EPN2: variants seen among roughly 807,000 people sequenced by gnomAD.
The protein encoded by EPN2 is epsin-2.
A neutral mutation model predicts 61.7 loss-of-function variants in EPN2; 34 were observed. The ratio of observed to expected loss-of-function variants is 0.55; its 90% CI spans 0.42 to 0.73. EPN2 has a LOEUF of 0.73. Among genes scored for constraint, EPN2 ranks in the 30% least tolerant of loss-of-function variants. The pLI is 0.00. For missense variants in EPN2, 714 were observed against 839.2 expected, an observed-to-expected ratio of 0.85 and a Z score of 1.84; for synonymous variants, 349 against 353.6, an observed-to-expected ratio of 0.99 and a Z score of 0.15.
chr17:19,335,867 T>A lies in EPN2; in HGVS notation c.*1613T>A, dbSNP rs1907399879. ...GCATTAAAGACCAGAAAAGACTTGC[T>A]TTTACCCAGGGAGGGGACATTCCCC... On this transcript the variant is annotated 3_prime_UTR_variant, in exon 11 of 11. Transcript: ENST00000314728. 6.4e-6 allele frequency: 1 copy of A among 156,832 alleles called. No homozygotes were observed. Among genetic ancestry groups the A allele is most frequent in the African/African-American group, 2.4e-5 (1 of 41,692 alleles). The allele number at this position is 156,832 out of a possible 1,614,324, so 9.7% of individuals were successfully genotyped here.
Position 19,285,748 on chromosome 17 carries a change from G to C in EPN2, c.724G>C (p.Asp242His), listed in dbSNP as rs766973140. ...GGGGCTGGCCTCCCGCCCAAATGGCGACTGGTCCCAGCCCTGCCTCACTTG... is the reference window on the plus strand; with the variant it reads ...GGGGCTGGCCTCCCGCCCAAATGGCCACTGGTCCCAGCCCTGCCTCACTTG... ...HLGLASRPNG[D>H]WSQPCLTCDR... is the part of the protein sequence containing the mutation. The change falls in exon 4 of 11, where the codon GAC becomes CAC. Residue 242 changes from aspartate to histidine, a missense_variant. Physicochemically the swap from Asp to His is moderately conservative, Grantham distance 81. Transcript: ENST00000314728. This position sits in a 1 kb window ranked among gnomAD's most constrained non-coding sequence, Gnocchi z 4.5. 1 of 1,608,938 alleles carries C rather than the reference G, an allele frequency of 6.2e-7. No individual in the cohort carries two copies. The highest frequency in any genetic ancestry group is 8.5e-7 in the Non-Finnish European group (1 of 1,178,650).
At position 19,285,845 on chromosome 17, in the gene EPN2, G is replaced by A; in HGVS notation, c.766+55G>A. 1 of 1,480,114 alleles carries A rather than the reference G, an allele frequency of 6.8e-7. No individual in the cohort carries two copies. The highest frequency in any genetic ancestry group is 9.0e-7 in the Non-Finnish European group (1 of 1,105,850). 91.7% of individuals were successfully genotyped at this position (1,480,114 alleles called of 1,614,324 possible). A position where few individuals can be genotyped will look rare whatever the true frequency, so the allele number is the denominator to read the frequency against. ...TAGAAATGCTGGGCAGCTTGCTGGG[G>A]GTGTGCTTGCCATGCCAGTACAGCC... On this transcript the variant is annotated intron_variant, in intron 4 of 10. Transcript: ENST00000314728. The surrounding 1 kb of genome is among the most constrained non-coding windows in gnomAD (Gnocchi z 4.5).
intron 1 of EPN2, among the ~76,000 whole-genome samples, chr17:19,265,031 A>C (rs2045181697): frequency 6.6e-6 from 1 of 152,044 alleles, no homozygotes; most frequent in African/African-American, 2.4e-5. Flanking sequence ...GCTGGGGATG[A>C]TAGGTTCGGT....
At chr17:19,312,014 TG>T in intron 5 of EPN2, 37 bp from the exon 6 acceptor site, 1 of 1,332,210 alleles carries the variant, frequency 7.5e-7, no homozygotes, top group Non-Finnish European at 1.1e-6. Context: ...TGTACAGTGA[TG>T]TTATTACAAT....
At chr17:19,297,711 T>TG (rs1356825384) in intron 4 of EPN2, among the ~76,000 whole-genome samples, 1 of 152,114 alleles carries the variant, frequency 6.6e-6, no homozygotes, top group Non-Finnish European at 1.5e-5. Flanking sequence ...GGCAAGCCAC[T>TG]GGGGGGCCTA....
rs574719470 is a variant in EPN2, at chr17:19,309,788, T to A, written c.767-97T>A. The A allele has an allele frequency of 4.7e-5, 42 of 895,424 alleles. No individual in the cohort carries two copies. In the African/African-American group the frequency reaches 6.5e-4, roughly 14 times the overall value. The allele number at this position is 895,424 out of a possible 1,614,324, so 55.5% of individuals were successfully genotyped here. ...GGGCTACTGCTGGACCTTGCGGGTT[T>A]GAGATGGGAATGGAATGTGGTCTGC... is the stretch of plus-strand genomic sequence containing the variant. On this transcript the variant is annotated intron_variant, in intron 4 of 10. Coordinates refer to ENST00000314728, the MANE Select transcript of EPN2 (RefSeq NM_014964.5).
chr17:19,256,094 C>A (rs1008571026), intron 1 of EPN2, among the ~76,000 whole-genome samples: 1 of 151,914 alleles, frequency 6.6e-6, no homozygotes, highest in African/African-American at 2.4e-5. Context: ...CCCGCCACCA[C>A]GCCCGGCTAA....
intron 7 of EPN2, among the ~76,000 whole-genome samples, chr17:19,319,485 T>C (rs1567867059): frequency 1.3e-5 from 2 of 149,930 alleles, no homozygotes; most frequent in South Asian, 4.3e-4. Flanking sequence ...CGAGTGCCAC[T>C]ACGCCCAGCT....
At chr17:19,308,502 G>A (rs1905962929) in intron 4 of EPN2, 4 of 985,460 alleles carry the variant, frequency 4.1e-6, no homozygotes, top group Non-Finnish European at 4.8e-6. Flanking sequence ...TTGTCAGCCA[G>A]GGGTGAGTGC....
At chr17:19,252,781 C>T (rs1386049245) in intron 1 of EPN2, among the ~76,000 whole-genome samples, 1 of 152,228 alleles carries the variant, frequency 6.6e-6, no homozygotes, top group Non-Finnish European at 1.5e-5. Flanking sequence ...CCTCCGCCTC[C>T]TGGGCTCAAG....
intron 4 of EPN2, chr17:19,307,786 A>G: frequency 2.4e-6 from 1 of 421,868 alleles, no homozygotes; most frequent in Non-Finnish European, 3.2e-6. Flanking sequence ...GCCCAGAAGC[A>G]GCCTCTTTCT....
intron 1 of EPN2, among the ~76,000 whole-genome samples, chr17:19,265,596 A>T (rs1039056834): frequency 6.6e-6 from 1 of 152,048 alleles, no homozygotes; most frequent in Non-Finnish European, 1.5e-5. Context: ...GACTTGGCCG[A>T]TGTCTACTTG....
chr17:19,330,884 C>T (rs895633950), intron 9 of EPN2, among the ~76,000 whole-genome samples: 1 of 152,172 alleles, frequency 6.6e-6, no homozygotes, highest in South Asian at 2.1e-4. Flanking sequence ...TGCCTGTGGT[C>T]CCAGCTAGTC....
At chr17:19,306,403 G>A (rs1411904447) in intron 4 of EPN2, 1 of 152,258 alleles carries the variant, frequency 6.6e-6, no homozygotes, top group Non-Finnish European at 1.5e-5. Flanking sequence ...AATGGTTGGT[G>A]GCCAAGAATT....
intron 4 of EPN2, among the ~76,000 whole-genome samples, chr17:19,286,790 G>A (rs1433829942): frequency 1.3e-5 from 2 of 152,152 alleles, no homozygotes; most frequent in Non-Finnish European, 2.9e-5. Context: ...AGTTTATACA[G>A]GATTTTGGCT....
intron 1 of EPN2, among the ~76,000 whole-genome samples, chr17:19,262,843 G>A (rs1046220164): frequency 2.0e-5 from 3 of 152,246 alleles, no homozygotes; most frequent in African/African-American, 7.2e-5. Context: ...CATACAGTGT[G>A]TGGGCTTTTG....
chr17:19,269,215 C>T (rs2045230731), intron 1 of EPN2, among the ~76,000 whole-genome samples: 2 of 152,178 alleles, frequency 1.3e-5, no homozygotes, highest in South Asian at 2.1e-4. Context: ...TAGACTCTGA[C>T]ATTGAAGAGT....
Position 19,335,619 on chromosome 17 carries a change from G to A in EPN2, c.*1365G>A. ...CAACAGTCCCTAGGCTAAGACAGGG[G>A]TGGGGGGCTAAGGGACCAGGGCTGG... On this transcript the variant is annotated 3_prime_UTR_variant, in exon 11 of 11. Transcript: ENST00000314728. The A allele has an allele frequency of 1.6e-6, 1 of 613,180 alleles. No homozygotes were observed. Among genetic ancestry groups the A allele is most frequent in the Non-Finnish European group, 2.6e-6 (1 of 388,790 alleles). The allele number at this position is 613,180 out of a possible 1,614,324, so 38.0% of individuals were successfully genotyped here.
At chr17:19,260,256 G>A (rs900113927) in intron 1 of EPN2, among the ~76,000 whole-genome samples, 4 of 152,208 alleles carry the variant, frequency 2.6e-5, no homozygotes, top group South Asian at 2.1e-4. Context: ...ATTTGTGCAC[G>A]ATGCTTTGGA....
Sources: allele counts gnomAD v4.1 joint callset (sites outside exome capture counted in the v4.1 genomes callset), GRCh38; gene constraint gnomAD v4.1.1; non-coding constraint Gnocchi (gnomAD v3.1); transcripts MANE v1.5; gene names NCBI Gene and HGNC (gene_info 2026-07-23, HGNC 2026-07-21).